The following RAPGEF4 variants were observed in gnomAD, a reference collection of about 807,000 sequenced individuals.
RAPGEF4 encodes the protein RAP guanine-nucleotide-exchange factor (GEF) 4.
RAPGEF4 carries 66 observed loss-of-function variants against 147.9 expected under a neutral mutation model. That is an observed-to-expected ratio of 0.45 (90% CI 0.37 to 0.55). RAPGEF4 has a LOEUF of 0.55. Ranked by LOEUF, RAPGEF4 falls within the 20% of genes least tolerant of loss-of-function variation. The pLI is 0.00. For missense variants in RAPGEF4, 1,071 were observed against 1,257.3 expected (o/e 0.85, Z 2.24); for synonymous variants, 419 against 442.7 (o/e 0.95, Z 0.67).
intron 4 of RAPGEF4, among the ~76,000 whole-genome samples, chr2:172,915,049 T>C (rs1249649416): frequency 6.6e-6 from 1 of 152,222 alleles, no homozygotes; most frequent in Admixed American, 6.5e-5. Context: ...TATAGAGCGT[T>C]CTGCAGGGTG....
chr2:172,867,102 G>C (rs139845374), intron 4 of RAPGEF4, among the ~76,000 whole-genome samples: 212 of 151,798 alleles, frequency 1.4e-3, no homozygotes, highest in African/African-American at 5.0e-3. Flanking sequence ...CTCCCTAGTA[G>C]CTGGGATTGC....
intron 6 of RAPGEF4, among the ~76,000 whole-genome samples, chr2:172,924,312 G>T (rs117260846): frequency 1.3e-5 from 2 of 152,184 alleles, no homozygotes; most frequent in African/African-American, 4.8e-5. Flanking sequence ...TCTAAGCAGA[G>T]GGCTAACAGC....
At chr2:172,939,412 A>G (rs1686922010) in intron 6 of RAPGEF4, among the ~76,000 whole-genome samples, 1 of 152,184 alleles carries the variant, frequency 6.6e-6, no homozygotes, top group Non-Finnish European at 1.5e-5. Flanking sequence ...GACAGATGAT[A>G]TTGAGTATCT....
At chr2:172,911,823 G>A (rs55923901) in intron 4 of RAPGEF4, among the ~76,000 whole-genome samples, 2,080 of 136,368 alleles carry the variant, frequency 0.015, 44 homozygotes, top group East Asian at 0.12. Flanking sequence ...TCAGGCTAGA[G>A]TGCAGTGATC....
chr2:172,821,355 C>G (rs1442792382), intron 4 of RAPGEF4, among the ~76,000 whole-genome samples: 1 of 152,204 alleles, frequency 6.6e-6, no homozygotes, highest in Admixed American at 6.5e-5. Context: ...CAGGAGCAAC[C>G]AGAGCCTCCA....
intron 22 of RAPGEF4, among the ~76,000 whole-genome samples, chr2:173,019,146 C>G (rs780789708): frequency 6.6e-6 from 1 of 152,168 alleles, no homozygotes; most frequent in Non-Finnish European, 1.5e-5. Context: ...GCTGGACAAG[C>G]TCAAGGCCAT....
chr2:173,005,529 T>TTTTG (rs1694372820), intron 17 of RAPGEF4, among the ~76,000 whole-genome samples: 1 of 128,670 alleles, frequency 7.8e-6, no homozygotes, highest in Non-Finnish European at 1.6e-5. Flanking sequence ...TGTTTTTTTT[T>TTTTG]TTTTTTTTTT....
At chr2:172,988,167 C>T (rs751644484) in intron 12 of RAPGEF4, 29 bp from the exon 13 acceptor site, 15 of 1,584,026 alleles carry the variant, frequency 9.5e-6, no homozygotes, top group Non-Finnish European at 1.3e-5. Context: ...CTATTCTTAT[C>T]ATAAGTCTTT....
At chr2:173,036,518 C>A in intron 28 of RAPGEF4, 110 bp from the exon 29 acceptor site, 1 of 863,178 alleles carries the variant, frequency 1.2e-6, no homozygotes, top group Non-Finnish European at 1.8e-6. Flanking sequence ...CAGCTTTTTT[C>A]AACTGTAGTG....
At chr2:172,964,526 A>C (rs1439789318) in intron 8 of RAPGEF4, among the ~76,000 whole-genome samples, 18 of 151,008 alleles carry the variant, frequency 1.2e-4, no homozygotes, top group Admixed American at 1.1e-3. Context: ...CGCCACTTCA[A>C]GATTGTTCCC....
chr2:172,798,307 T>C (rs1686599065), intron 3 of RAPGEF4, among the ~76,000 whole-genome samples: 1 of 151,586 alleles, frequency 6.6e-6, no homozygotes, highest in East Asian at 1.9e-4. Flanking sequence ...AAAGAAAAAA[T>C]ATATAAATAT....
In RAPGEF4 at chr2:172,967,834, G is replaced by A. The variant is rs115675073; in HGVS notation, c.1004+390G>A. On this transcript the variant is annotated intron_variant, in intron 10 of 30. Transcript: ENST00000397081. The stretch of plus-strand genomic sequence containing the variant: ...TCAGGACCATAGCCTTCATGCCTAG[G>A]CCTGCATTCATTTGTTCCTTCACTC... Among the ~76,000 whole-genome samples, 427 of 152,296 alleles carry A rather than the reference G, an allele frequency of 2.8e-3. 1 individual carries two copies. Among genetic ancestry groups the A allele is most frequent in the African/African-American group, 0.01 (416 of 41,560 alleles).
intron 4 of RAPGEF4, among the ~76,000 whole-genome samples, chr2:172,876,010 G>A (rs963855053): frequency 1.3e-5 from 2 of 152,104 alleles, no homozygotes; most frequent in African/African-American, 4.8e-5. Flanking sequence ...TGAAGCAATT[G>A]TGAATGGGAG....
intron 8 of RAPGEF4, 147 bp from the exon 9 acceptor site, chr2:172,965,415 A>C: frequency 6.9e-6 from 6 of 873,358 alleles, no homozygotes; most frequent in Non-Finnish European, 1.1e-5. Flanking sequence ...ACCTGAAGCT[A>C]CCGCGTGTGG....
At chr2:172,972,173 T>C (rs3820847) in intron 10 of RAPGEF4, among the ~76,000 whole-genome samples, 63,495 of 151,990 alleles carry the variant, frequency 0.42, 13,780 homozygotes, top group South Asian at 0.61. Context: ...GAGACTACCC[T>C]GCTGCTGTTC....
chr2:172,983,316 G>A (rs1387036328), intron 10 of RAPGEF4, among the ~76,000 whole-genome samples, 180 bp from the exon 11 acceptor site: 1 of 152,064 alleles, frequency 6.6e-6, no homozygotes, highest in Non-Finnish European at 1.5e-5. Flanking sequence ...TTTCATCAAG[G>A]AACACATTTA....
At chr2:172,830,982 C>T (rs1690243180) in intron 4 of RAPGEF4, among the ~76,000 whole-genome samples, 1 of 152,076 alleles carries the variant, frequency 6.6e-6, no homozygotes, top group African/African-American at 2.4e-5. Flanking sequence ...AGAATATTCT[C>T]TTTAATAGGT....
intron 4 of RAPGEF4, among the ~76,000 whole-genome samples, chr2:172,861,864 A>AGT (rs1694086202): frequency 6.6e-6 from 1 of 152,220 alleles, no homozygotes; most frequent in Admixed American, 6.5e-5. Flanking sequence ...AGCTGCACCC[A>AGT]GTGCTCTGTC....
At position 172,909,011 on chromosome 2, in the gene RAPGEF4, G is replaced by A. The variant is rs141067245; in HGVS notation, c.445-8791G>A. Reference sequence around the variant, plus strand: ...TCCTGGAGGGGTCCTGGAGGGTTTGGACAGGGAGTGTGCATGAGTCCTCCT... The same window carrying A: ...TCCTGGAGGGGTCCTGGAGGGTTTGAACAGGGAGTGTGCATGAGTCCTCCT... On this transcript the variant is annotated intron_variant, in intron 4 of 30. Transcript: ENST00000397081. 2.2e-4 allele frequency among the ~76,000 whole-genome samples: 33 copies of A among 152,300 alleles called. No individual in the cohort carries two copies. The East Asian group carries it at 5.8e-3, about 27-fold the overall frequency.
Sources: gnomAD v4.1 joint callset for allele counts (sites outside exome capture counted in the v4.1 genomes callset) on GRCh38, gnomAD v4.1.1 for gene constraint, MANE v1.5 for transcripts, NCBI Gene and HGNC (gene_info 2026-07-23, HGNC 2026-07-21) for gene names.